The following LYPD6 variants were observed in gnomAD, a reference collection of about 807,000 sequenced individuals.
LYPD6 encodes the protein LY6/PLAUR domain containing 6.
A neutral mutation model predicts 22.7 loss-of-function variants in LYPD6; 15 were observed. The observed-to-expected ratio is 0.66, with a 90% CI of 0.44 to 1.02. LYPD6 has a LOEUF of 1.02. Ranked by LOEUF, LYPD6 falls within the 50% of genes least tolerant of loss-of-function variation. The pLI is 0.00. For synonymous variants in LYPD6, 72 were observed against 77.5 expected (o/e 0.93, Z 0.37); for missense variants, 189 against 208.4 (o/e 0.91, Z 0.57).
intron 1 of LYPD6, among the ~76,000 whole-genome samples, chr2:149,346,991 G>A (rs940220306): frequency 3.9e-5 from 6 of 152,112 alleles, no homozygotes; most frequent in Non-Finnish European, 7.4e-5. Flanking sequence ...GAGCCACTGC[G>A]CCCTGCCTAA....
At chr2:149,404,272 A>T (rs1446087091) in intron 1 of LYPD6, among the ~76,000 whole-genome samples, 1 of 152,182 alleles carries the variant, frequency 6.6e-6, no homozygotes, top group African/African-American at 2.4e-5. Context: ...CTGTGAAGAA[A>T]ATCATTGTTA....
upstream of LYPD6, chr2:149,330,557 G>T (rs1441278712): frequency 6.6e-6 from 1 of 150,520 alleles, no homozygotes; most frequent in Non-Finnish European, 1.5e-5. Context: ...CGCGCCCCTA[G>T]CCGCCCCCCG....
chr2:149,363,239 T>G (rs945842821), intron 1 of LYPD6, among the ~76,000 whole-genome samples: 2 of 152,324 alleles, frequency 1.3e-5, no homozygotes, highest in South Asian at 4.1e-4. Flanking sequence ...TTGTTCTCGA[T>G]GCCCATGATG....
At chr2:149,339,741 T>C (rs1262293037) in intron 1 of LYPD6, among the ~76,000 whole-genome samples, 2 of 152,166 alleles carry the variant, frequency 1.3e-5, no homozygotes, top group African/African-American at 4.8e-5. Context: ...CCCTACCTCC[T>C]GTCCTGCATT....
At chr2:149,459,075 C>G (rs1681030511) in intron 3 of LYPD6, among the ~76,000 whole-genome samples, 2 of 151,968 alleles carry the variant, frequency 1.3e-5, no homozygotes, top group South Asian at 4.2e-4. Flanking sequence ...CTGAGCAAAC[C>G]CCAAAGAGGA....
chr2:149,440,141 C>G (rs1178418637), intron 2 of LYPD6: 1 of 153,962 alleles, frequency 6.5e-6, no homozygotes, highest in Admixed American at 6.5e-5. Context: ...GATCAGTGGC[C>G]TGAAAAGAGT....
rs58309346 is a variant in LYPD6, at chr2:149,468,132, AACACACACACACACACACAC to A, written c.218-476_218-457del. On this transcript the variant is annotated intron_variant, in intron 3 of 4. Coordinates refer to ENST00000334166, the MANE Select transcript of LYPD6 (RefSeq NM_194317.5). Reference sequence around the variant, plus strand: ...CTCTTGTGAATAGCTGCTTCCCCCCAACACACACACACACACACACACACACACACACACACACACACACA... The same window carrying A: ...CTCTTGTGAATAGCTGCTTCCCCCCAACACACACACACACACACACACACA... Among the ~76,000 whole-genome samples the A allele has an allele frequency of 1.4e-3, 162 of 114,716 alleles. 4 individuals are homozygous for A. The South Asian group carries it at 0.035, about 25-fold the overall frequency. 75.3% of individuals were successfully genotyped at this position (114,716 alleles called of 152,430 possible). A position where few individuals can be genotyped will look rare whatever the true frequency, so the allele number is the denominator to read the frequency against.
chr2:149,469,872 G>A (rs1270349179), intron 4 of LYPD6, among the ~76,000 whole-genome samples: 7 of 152,150 alleles, frequency 4.6e-5, no homozygotes, highest in Admixed American at 3.9e-4. Context: ...TTCCTGGCAC[G>A]TGTCACTGTG....
intron 1 of LYPD6, among the ~76,000 whole-genome samples, chr2:149,362,266 G>A (rs1573741806): frequency 6.6e-6 from 1 of 152,052 alleles, no homozygotes; most frequent in Admixed American, 6.6e-5. Flanking sequence ...TATGGATGAG[G>A]CCTCTATGAC....
downstream of LYPD6, among the ~76,000 whole-genome samples, chr2:149,474,564 T>C (rs1465366796): frequency 6.6e-6 from 1 of 152,144 alleles, no homozygotes; most frequent in Admixed American, 6.6e-5. Flanking sequence ...TTCCACAAAC[T>C]TATATGTTTT....
rs564303205 is a variant in LYPD6 at position 149,345,369 on chromosome 2, C to T, written c.-72+14647C>T. On this transcript the variant is annotated intron_variant, in intron 1 of 4. Transcript: ENST00000334166. Reference sequence around the variant, plus strand: ...TTGCCCAGGCTGGAGTGCAGTGGCGCGATCTCAGGTCACTGCAAGCTCTGC... The same window carrying T: ...TTGCCCAGGCTGGAGTGCAGTGGCGTGATCTCAGGTCACTGCAAGCTCTGC... Among the ~76,000 whole-genome samples the T allele has an allele frequency of 4.1e-5, 6 of 147,092 alleles. No homozygotes were observed. The East Asian group carries it at 8.1e-4, about 20-fold the overall frequency.
chr2:149,344,813 C>T (rs1489785570), intron 1 of LYPD6, among the ~76,000 whole-genome samples: 1 of 152,110 alleles, frequency 6.6e-6, no homozygotes, highest in Non-Finnish European at 1.5e-5. Flanking sequence ...TAGACCTCCT[C>T]CTACAAAAAT....
At chr2:149,456,074 T>A (rs1680951391) in intron 3 of LYPD6, among the ~76,000 whole-genome samples, 1 of 152,180 alleles carries the variant, frequency 6.6e-6, no homozygotes, top group African/African-American at 2.4e-5. Flanking sequence ...CACATCTTTT[T>A]AAAAGATCTA....
intron 3 of LYPD6, among the ~76,000 whole-genome samples, chr2:149,459,099 A>G (rs1164397666): frequency 6.6e-6 from 1 of 152,248 alleles, no homozygotes; most frequent in African/African-American, 2.4e-5. Context: ...AACTAAAGCA[A>G]TCCACACAAA....
At chr2:149,374,194 A>G (rs1449422061) in intron 1 of LYPD6, among the ~76,000 whole-genome samples, 1 of 152,236 alleles carries the variant, frequency 6.6e-6, no homozygotes, top group African/African-American at 2.4e-5. Context: ...GAAGGCTCAC[A>G]TCACTTTATT....
intron 1 of LYPD6, among the ~76,000 whole-genome samples, chr2:149,377,337 C>T (rs940790643): frequency 1.3e-5 from 2 of 151,594 alleles, no homozygotes; most frequent in African/African-American, 4.8e-5. Flanking sequence ...AACTGCCAAG[C>T]AAGTCCCAGG....
In LYPD6 at chr2:149,437,737, T is replaced by C. The variant is rs1683465681; in HGVS notation, c.29T>C (p.Leu10Pro). Reference sequence around the variant, plus strand: ...GAACCTGGCCCTGCTCTGGCCTGGCTCCTGCTCCTGAGCCTGCTGGCGGAT... The same window carrying C: ...GAACCTGGCCCTGCTCTGGCCTGGCCCCTGCTCCTGAGCCTGCTGGCGGAT... The part of the protein sequence containing the change: MEPGPALAW[L>P]LLLSLLADCL... Residue 10 changes from leucine (L) to proline (P), a missense_variant, in exon 2 of 5, where the codon CTC becomes CCC. By Grantham distance (98) the Leu-to-Pro change is moderately conservative. Transcript: ENST00000334166. The C allele has an allele frequency of 1.2e-6, 2 of 1,614,190 alleles. No homozygotes were observed. The highest frequency in any genetic ancestry group is 1.7e-6 in the Non-Finnish European group (2 of 1,180,040).
chr2:149,462,934 C>G (rs1437828702), intron 3 of LYPD6, among the ~76,000 whole-genome samples: 1 of 151,972 alleles, frequency 6.6e-6, no homozygotes, highest in East Asian at 1.9e-4. Flanking sequence ...TAAAAACATA[C>G]AGCATTTAGG....
At chr2:149,435,537 A>C (rs773386573) in intron 1 of LYPD6, among the ~76,000 whole-genome samples, 3 of 152,168 alleles carry the variant, frequency 2.0e-5, no homozygotes, top group Non-Finnish European at 2.9e-5. Context: ...TACCAACCTC[A>C]CCATGCTGGC....
Sources: allele counts gnomAD v4.1 joint callset (sites outside exome capture counted in the v4.1 genomes callset), GRCh38; gene constraint gnomAD v4.1.1; transcripts MANE v1.5; gene names NCBI Gene and HGNC (gene_info 2026-07-23, HGNC 2026-07-21).